The following WWOX variants were observed in gnomAD, a reference collection of about 807,000 sequenced individuals.
The protein encoded by WWOX is WW domain-containing oxidoreductase.
Under a neutral mutation model 46.2 loss-of-function variants are expected in WWOX, and 69 were observed. The observed-to-expected ratio is 1.49, with a 90% confidence interval of 1.23 to 1.82. The LOEUF (loss-of-function observed/expected upper bound fraction) is 1.82. Ranked by LOEUF, WWOX falls within the 40% of genes most tolerant of loss-of-function variation. The probability of loss-of-function intolerance (pLI) is 0.00; values close to 1 mark genes in which losing one functional copy is unlikely to be tolerated. For missense variants in WWOX, 919 were observed against 542.6 expected, an observed-to-expected ratio of 1.69 and a Z score of -6.89; for synonymous variants, 359 against 202.6, an observed-to-expected ratio of 1.77 and a Z score of -6.56.
At chr16:78,776,719 A>T (rs1057125048) in intron 8 of WWOX, among the ~76,000 whole-genome samples, 1 of 152,182 alleles carries the variant, frequency 6.6e-6, no homozygotes, top group African/African-American at 2.4e-5. Flanking sequence ...GAAGCCTCAG[A>T]AAACTTACGA....
chr16:78,513,661 G>A (rs1042860720), intron 8 of WWOX, among the ~76,000 whole-genome samples: 3 of 152,096 alleles, frequency 2.0e-5, no homozygotes, highest in Non-Finnish European at 4.4e-5. Flanking sequence ...ATACAGAGGT[G>A]GTGTAAAAGG....
At chr16:79,170,434 G>T (rs2050678376) in intron 8 of WWOX, among the ~76,000 whole-genome samples, 1 of 152,154 alleles carries the variant, frequency 6.6e-6, no homozygotes, top group Non-Finnish European at 1.5e-5. Context: ...GGAGCATCCT[G>T]CAATACAACT....
intron 8 of WWOX, among the ~76,000 whole-genome samples, chr16:78,493,454 G>A (rs1253871165): frequency 6.6e-6 from 1 of 152,180 alleles, no homozygotes; most frequent in African/African-American, 2.4e-5. Context: ...ACCTGTGTGA[G>A]TAACTAACGT....
At chr16:79,016,539 C>G (rs567244775) in intron 8 of WWOX, 4 of 152,550 alleles carry the variant, frequency 2.6e-5, no homozygotes, top group South Asian at 4.1e-4. Flanking sequence ...TCTCATGCCT[C>G]AGACTCCTGA....
intron 8 of WWOX, among the ~76,000 whole-genome samples, chr16:79,026,565 C>G (rs923238406): frequency 2.7e-5 from 4 of 150,764 alleles, no homozygotes; most frequent in East Asian, 1.9e-4. Flanking sequence ...CTTTTCTGCA[C>G]TCTCCTGCCT....
chr16:78,148,327 A>G (rs1303335333), intron 4 of WWOX, among the ~76,000 whole-genome samples: 6 of 152,292 alleles, frequency 3.9e-5, no homozygotes, highest in Admixed American at 1.3e-4. Flanking sequence ...TGTGTGTGTC[A>G]TTGGTTAGTT....
intron 5 of WWOX, among the ~76,000 whole-genome samples, chr16:78,224,114 C>T (rs557678828): frequency 6.6e-6 from 1 of 152,216 alleles, no homozygotes; most frequent in East Asian, 1.9e-4. Context: ...CACCATTTTC[C>T]TGCCTCAGCC....
intron 8 of WWOX, among the ~76,000 whole-genome samples, chr16:79,162,690 G>T (rs76995991): frequency 2.0e-5 from 3 of 152,162 alleles, no homozygotes; most frequent in African/African-American, 7.2e-5. Flanking sequence ...CCAAGGTCCT[G>T]TGTTCACCGC....
intron 8 of WWOX, among the ~76,000 whole-genome samples, chr16:78,919,298 G>C (rs1372030049): frequency 6.6e-6 from 1 of 151,888 alleles, no homozygotes; most frequent in Non-Finnish European, 1.5e-5. Flanking sequence ...CAGAGGCTCA[G>C]AGAAGTCAGA....
chr16:78,706,808 T>C (rs950616197), intron 8 of WWOX, among the ~76,000 whole-genome samples: 1 of 152,110 alleles, frequency 6.6e-6, no homozygotes, highest in African/African-American at 2.4e-5. Flanking sequence ...AAACTACCTT[T>C]TTTTTTGGAG....
intron 8 of WWOX, chr16:78,981,824 G>C (rs1393509859): frequency 2.6e-5 from 4 of 152,178 alleles, no homozygotes; most frequent in South Asian, 4.1e-4. Context: ...TCATTTCCCT[G>C]AGTTACACTG....
At chr16:79,047,552 T>C (rs2048088526) in intron 8 of WWOX, among the ~76,000 whole-genome samples, 1 of 152,158 alleles carries the variant, frequency 6.6e-6, no homozygotes, top group Non-Finnish European at 1.5e-5. Context: ...ACCATGTGTA[T>C]CAGTGTCCTG....
chr16:78,389,804 G>T (rs2082141270), intron 6 of WWOX, among the ~76,000 whole-genome samples: 1 of 152,136 alleles, frequency 6.6e-6, no homozygotes, highest in South Asian at 2.1e-4. Flanking sequence ...AGGCTGAAGT[G>T]CAGTGGTGCA....
chr16:78,143,488 G>A (rs2034058953), intron 4 of WWOX, among the ~76,000 whole-genome samples: 2 of 152,120 alleles, frequency 1.3e-5, no homozygotes, highest in Non-Finnish European at 2.9e-5. Flanking sequence ...ATTGGAACAC[G>A]GGTGCTCATC....
intron 8 of WWOX, among the ~76,000 whole-genome samples, chr16:78,848,322 T>C (rs59002608): frequency 0.02 from 3,050 of 152,288 alleles, 80 homozygotes; most frequent in African/African-American, 0.066. Context: ...AAGTCATATT[T>C]GCCCCCACAG....
intron 6 of WWOX, among the ~76,000 whole-genome samples, chr16:78,422,077 A>G (rs9937084): frequency 0.18 from 26,817 of 152,074 alleles, 4,880 homozygotes; most frequent in African/African-American, 0.46. Flanking sequence ...AAATATTGCA[A>G]TGGTTATTTG....
At chr16:79,122,441 C>A (rs1430576417) in intron 8 of WWOX, among the ~76,000 whole-genome samples, 2 of 152,122 alleles carry the variant, frequency 1.3e-5, no homozygotes, top group Non-Finnish European at 2.9e-5. Flanking sequence ...AGCACGGCAT[C>A]TCTTCTTTCT....
At chr16:78,581,350 A>G (rs1042277370) in intron 8 of WWOX, among the ~76,000 whole-genome samples, 6 of 152,180 alleles carry the variant, frequency 3.9e-5, no homozygotes, top group African/African-American at 7.2e-5. Flanking sequence ...TCAAAATTCA[A>G]TTGCTGTACC....
At chr16:79,052,100 A>T (rs2048178897) in intron 8 of WWOX, among the ~76,000 whole-genome samples, 1 of 151,052 alleles carries the variant, frequency 6.6e-6, no homozygotes, top group African/African-American at 2.4e-5. Flanking sequence ...CAGGTTAGTT[A>T]CATATGTATA....
Sources: allele counts gnomAD v4.1 joint callset (sites outside exome capture counted in the v4.1 genomes callset), GRCh38; gene constraint gnomAD v4.1.1; transcripts MANE v1.5; gene names NCBI Gene and HGNC (gene_info 2026-07-23, HGNC 2026-07-21).